The following ASIC2 variants were observed in gnomAD, a reference collection of about 807,000 sequenced individuals.
ASIC2 encodes the protein acid-sensing ion channel 2.
ASIC2 carries 25 observed loss-of-function variants against 57.3 expected under a neutral mutation model. The ratio of observed to expected loss-of-function variants is 0.44; its 90% CI spans 0.32 to 0.61. The LOEUF (loss-of-function observed/expected upper bound fraction) is 0.61. Ranked by LOEUF, ASIC2 falls within the 20% of genes least tolerant of loss-of-function variation. ASIC2 has a pLI of 0.06. For missense variants in ASIC2, 641 were observed against 738.1 expected (o/e 0.87, Z 1.52); for synonymous variants, 319 against 307.5 (o/e 1.04, Z -0.39).
chr17:33,903,260 G>A (rs1010412413), intron 1 of ASIC2, among the ~76,000 whole-genome samples: 3 of 152,116 alleles, frequency 2.0e-5, no homozygotes, highest in African/African-American at 7.2e-5. Context: ...AATTTATGAT[G>A]TTCCATGGAG....
At chr17:33,449,311 C>G (rs1912157050) in intron 1 of ASIC2, among the ~76,000 whole-genome samples, 2 of 152,306 alleles carry the variant, frequency 1.3e-5, no homozygotes, top group South Asian at 4.1e-4. Flanking sequence ...TTTTGCCAGT[C>G]AGGGATTAAG....
At chr17:33,869,817 G>A (rs1914342371) in intron 1 of ASIC2, among the ~76,000 whole-genome samples, 1 of 152,222 alleles carries the variant, frequency 6.6e-6, no homozygotes. Flanking sequence ...AATTGATTGT[G>A]ATAATAGTTG....
At chr17:33,121,248 C>T (rs770294509) in intron 1 of ASIC2, among the ~76,000 whole-genome samples, 4 of 152,222 alleles carry the variant, frequency 2.6e-5, no homozygotes, top group Non-Finnish European at 5.9e-5. Flanking sequence ...TGTTCATTTA[C>T]TTAGTGAGCA....
At chr17:33,763,535 C>T (rs903464948) in intron 1 of ASIC2, among the ~76,000 whole-genome samples, 2 of 152,134 alleles carry the variant, frequency 1.3e-5, no homozygotes, top group African/African-American at 4.8e-5. Context: ...AGTTCCATTG[C>T]CAGGGGAGGG....
At chr17:33,229,306 CATTCATTTGTGT>C (rs1439785857) in intron 1 of ASIC2, among the ~76,000 whole-genome samples, 9 of 152,168 alleles carry the variant, frequency 5.9e-5, no homozygotes, top group African/African-American at 2.2e-4. Context: ...TTCGTTCAAT[CATTCATTTGTGT>C]ATTTATTCAA....
chr17:33,987,200 G>A lies in ASIC2; in HGVS notation c.555+168778C>T, dbSNP rs1905847667. Among the ~76,000 whole-genome samples, 3 of 152,116 alleles carry A rather than the reference G, an allele frequency of 2.0e-5. No individual in the cohort carries two copies. The East Asian group carries it at 5.8e-4, about 29-fold the overall frequency. On this transcript the variant is annotated intron_variant, in intron 1 of 9. Coordinates refer to the ASIC2 transcript ENST00000359872. ...GGCCAGAATCAGGGGAAAAAAGTCA[G>A]GCAAGGTGCAGTTTTGAACCAACTC...
chr17:33,864,803 T>C (rs1374159188), intron 1 of ASIC2, among the ~76,000 whole-genome samples: 1 of 152,108 alleles, frequency 6.6e-6, no homozygotes, highest in African/African-American at 2.4e-5. Flanking sequence ...AAACAGAGCA[T>C]TAATAAAGAT....
chr17:34,011,132 C>G (rs372222491), intron 1 of ASIC2, among the ~76,000 whole-genome samples: 1 of 34,338 alleles, frequency 2.9e-5, no homozygotes, highest in Non-Finnish European at 7.2e-5. Flanking sequence ...CAGACACAGG[C>G]ACACACACAC....
intron 1 of ASIC2, among the ~76,000 whole-genome samples, chr17:34,090,379 G>C (rs1210793454): frequency 6.6e-6 from 1 of 152,018 alleles, no homozygotes; most frequent in Non-Finnish European, 1.5e-5. Flanking sequence ...CTGCAGACCT[G>C]GTGTTCTGAT....
intron 1 of ASIC2, among the ~76,000 whole-genome samples, chr17:33,650,859 T>C (rs1906895913): frequency 6.6e-6 from 1 of 152,188 alleles, no homozygotes; most frequent in Non-Finnish European, 1.5e-5. Flanking sequence ...GCTGTGGCTA[T>C]AAAAGGGTAA....
chr17:33,563,891 C>T (rs1445643509), intron 1 of ASIC2, among the ~76,000 whole-genome samples: 7 of 152,188 alleles, frequency 4.6e-5, no homozygotes, highest in Non-Finnish European at 1.0e-4. Flanking sequence ...GGATGGGCTT[C>T]CTTTCACTAT....
intron 1 of ASIC2, among the ~76,000 whole-genome samples, chr17:33,197,251 T>C (rs1906670046): frequency 6.6e-6 from 1 of 152,204 alleles, no homozygotes; most frequent in South Asian, 2.1e-4. Flanking sequence ...AGCAGCAAGA[T>C]AGCTTAGGGG....
intron 1 of ASIC2, among the ~76,000 whole-genome samples, chr17:33,373,157 A>T (rs891774529): frequency 6.6e-6 from 1 of 152,198 alleles, no homozygotes; most frequent in Non-Finnish European, 1.5e-5. Context: ...ATGTCCCTGG[A>T]TCCTATGGCA....
chr17:33,458,209 C>G lies in ASIC2; in HGVS notation c.556-346142G>C, dbSNP rs7218455. ...CTAGGTGTGGTTGGGGAACAAGAAACTAAGAAACTAAGAGGTGTGGTAGGA... is the reference window on the plus strand; with the variant it reads ...CTAGGTGTGGTTGGGGAACAAGAAAGTAAGAAACTAAGAGGTGTGGTAGGA... On this transcript the variant is annotated intron_variant, in intron 1 of 9. Transcript: ENST00000359872. 5.3e-5 allele frequency among the ~76,000 whole-genome samples: 8 copies of G among 152,014 alleles called. No homozygotes were observed. In the South Asian group the frequency reaches 8.3e-4, roughly 16 times the overall value.
intron 1 of ASIC2, among the ~76,000 whole-genome samples, chr17:33,867,434 A>G (rs901409616): frequency 2.0e-5 from 3 of 152,274 alleles, no homozygotes; most frequent in African/African-American, 7.2e-5. Context: ...CAAAGAGAAT[A>G]AAATGAACTT....
chr17:33,765,017 C>G (rs1910893292), intron 1 of ASIC2, among the ~76,000 whole-genome samples: 1 of 150,680 alleles, frequency 6.6e-6, no homozygotes, highest in Admixed American at 6.6e-5. Context: ...AGCACCCTTG[C>G]TCTTCTCCTA....
intron 1 of ASIC2, among the ~76,000 whole-genome samples, chr17:34,026,042 G>T (rs1440680009): frequency 6.6e-6 from 1 of 152,164 alleles, no homozygotes; most frequent in Admixed American, 6.5e-5. Flanking sequence ...GCTGGAGATA[G>T]CCTACGCAAA....
chr17:34,111,337 T>G lies in ASIC2; in HGVS notation c.555+44641A>C, dbSNP rs1436676818. Among the ~76,000 whole-genome samples the G allele has an allele frequency of 2.5e-4, 37 of 149,082 alleles. 1 individual carries two copies. In the Admixed American group the frequency reaches 2.5e-3, roughly 10 times the overall value. On this transcript the variant is annotated intron_variant, in intron 1 of 9. Coordinates refer to the ASIC2 transcript ENST00000359872. ...TTATATTATATTATGTTATATTATA[T>G]ATACAGGCACCAAAAATGATAAAAC... is the stretch of plus-strand genomic sequence containing the variant.
chr17:33,971,985 G>C (rs1905239730), intron 1 of ASIC2, among the ~76,000 whole-genome samples: 2 of 152,104 alleles, frequency 1.3e-5, no homozygotes, highest in Admixed American at 6.5e-5. Flanking sequence ...CAGTTACTAA[G>C]TGCTTTCCCA....
Sources: gnomAD v4.1 joint callset for allele counts (sites outside exome capture counted in the v4.1 genomes callset) on GRCh38, gnomAD v4.1.1 for gene constraint, MANE v1.5 for transcripts, NCBI Gene and HGNC (gene_info 2026-07-23, HGNC 2026-07-21) for gene names.